DIS3L2: variants seen among roughly 807,000 people sequenced by gnomAD.
The protein encoded by DIS3L2 is DIS3-like exonuclease 2.
DIS3L2 carries 34 observed loss-of-function variants against 97.5 expected under a neutral mutation model. The observed-to-expected ratio is 0.35, with a 90% CI of 0.27 to 0.46. DIS3L2 has a LOEUF of 0.46. Among genes scored for constraint, DIS3L2 ranks in the 20% least tolerant of loss-of-function variants. The probability of loss-of-function intolerance (pLI) is 1.00; values close to 1 mark genes in which losing one functional copy is unlikely to be tolerated. For synonymous variants in DIS3L2, 435 were observed against 445.2 expected (o/e 0.98, Z 0.29); for missense variants, 1,038 against 1,146.0 (o/e 0.91, Z 1.36).
chr2:232,015,045 G>A, intron 2 of DIS3L2, 66 bp downstream of exon 2: 2 of 1,545,510 alleles, frequency 1.3e-6, no homozygotes, highest in South Asian at 2.3e-5. Context: ...GAATGGGTGT[G>A]AAGTGGAGGC....
At chr2:232,332,873 G>T (rs1695781970) in intron 16 of DIS3L2, among the ~76,000 whole-genome samples, 1 of 152,146 alleles carries the variant, frequency 6.6e-6, no homozygotes, top group Admixed American at 6.5e-5. Flanking sequence ...CCCGACCAAA[G>T]GTGGGCCTAG....
intron 6 of DIS3L2, among the ~76,000 whole-genome samples, chr2:232,100,192 ATT>A (rs10594218): frequency 0.6 from 67,204 of 112,778 alleles, 18,353 homozygotes; most frequent in African/African-American, 0.67. Context: ...CCCTGCTAAT[ATT>A]TTTTTTTTTT....
intron 5 of DIS3L2, among the ~76,000 whole-genome samples, chr2:232,080,442 A>G (rs927450929): frequency 1.3e-5 from 2 of 152,226 alleles, no homozygotes; most frequent in Middle Eastern, 3.2e-3. Context: ...CTAAGAAGTG[A>G]GTATGGATGG....
At chr2:232,016,704 G>A (rs1283048261) in intron 3 of DIS3L2, among the ~76,000 whole-genome samples, 4 of 152,092 alleles carry the variant, frequency 2.6e-5, no homozygotes, top group Non-Finnish European at 5.9e-5. Context: ...GAGGGAGGCA[G>A]GGCCACATAT....
chr2:232,340,389 A>G (rs1217679709), downstream of DIS3L2, among the ~76,000 whole-genome samples: 1 of 152,094 alleles, frequency 6.6e-6, no homozygotes, highest in Non-Finnish European at 1.5e-5. Flanking sequence ...GGCTGGAATC[A>G]TTGTTGCAAA....
intron 5 of DIS3L2, among the ~76,000 whole-genome samples, chr2:232,069,090 T>G (rs1211246537): frequency 1.3e-5 from 2 of 152,174 alleles, no homozygotes; most frequent in Admixed American, 6.5e-5. Flanking sequence ...GTGCTGGGAT[T>G]ACATGCGTGA....
At chr2:232,086,603 GTGTGTGTGTGTATATATATATA>G (rs1253155249) in intron 5 of DIS3L2, among the ~76,000 whole-genome samples, 1 of 56,768 alleles carries the variant, frequency 1.8e-5, no homozygotes, top group Admixed American at 1.8e-4. Context: ...ATATATATAT[GTGTGTGTGTGTATATATATATA>G]TATACACATA....
intron 5 of DIS3L2, among the ~76,000 whole-genome samples, chr2:232,050,482 T>C (rs1370840940): frequency 1.3e-5 from 2 of 151,906 alleles, no homozygotes; most frequent in East Asian, 3.9e-4. Context: ...TTTCATCATG[T>C]TGGCCAGGCT....
At chr2:232,007,312 G>A (rs2106211240) in intron 1 of DIS3L2, among the ~76,000 whole-genome samples, 1 of 152,308 alleles carries the variant, frequency 6.6e-6, no homozygotes, top group East Asian at 1.9e-4. Context: ...GGAGAAGAGT[G>A]AGTCCATATA....
intron 5 of DIS3L2, among the ~76,000 whole-genome samples, chr2:232,049,592 G>T (rs919595426): frequency 6.6e-6 from 1 of 152,094 alleles, no homozygotes; most frequent in East Asian, 1.9e-4. Flanking sequence ...TTGGACTTCC[G>T]AGCCTCCAGA....
chr2:232,069,953 A>G (rs556194522), intron 5 of DIS3L2, among the ~76,000 whole-genome samples: 12 of 152,360 alleles, frequency 7.9e-5, no homozygotes, highest in Middle Eastern at 3.4e-3. Flanking sequence ...AGCCAGTTCA[A>G]GTTGGTTTTT....
intron 9 of DIS3L2, among the ~76,000 whole-genome samples, chr2:232,173,226 G>A (rs1325906330): frequency 6.6e-6 from 1 of 152,070 alleles, no homozygotes; most frequent in Non-Finnish European, 1.5e-5. Context: ...CAAAGAGTTA[G>A]ACATATGTTT....
rs769440116 is a variant in DIS3L2 at position 232,136,474 on chromosome 2, G to A, written c.705G>A (p.Val235=). The A allele has an allele frequency of 1.2e-6, 2 of 1,613,834 alleles. No homozygotes were observed. The highest frequency in any genetic ancestry group is 1.7e-6 in the Non-Finnish European group (2 of 1,179,860). Residue 235 remains valine (V), a splice_region_variant and synonymous_variant, in exon 8 of 21, where the codon GTG becomes GTA. Transcript: ENST00000325385. ...SEKSLQRSAK[V]VYILEKKHSR... ...GACTATATCTTTGGTGTTTTTAGGT[G>A]GTTTACATCTTGGAGAAAAAACATT...
intron 6 of DIS3L2, among the ~76,000 whole-genome samples, chr2:232,089,821 A>G (rs896648569): frequency 3.3e-4 from 51 of 152,274 alleles, no homozygotes; most frequent in Non-Finnish European, 5.7e-4. Flanking sequence ...GTGACAGCAG[A>G]ATGGATGTCT....
intron 4 of DIS3L2, among the ~76,000 whole-genome samples, chr2:232,026,855 T>C (rs1372486452): frequency 3.3e-5 from 5 of 152,210 alleles, no homozygotes; most frequent in Admixed American, 3.3e-4. Context: ...TCTTACTACG[T>C]CATACTTAGA....
At chr2:232,062,145 T>A (rs2106276725) in intron 5 of DIS3L2, among the ~76,000 whole-genome samples, 1 of 152,312 alleles carries the variant, frequency 6.6e-6, no homozygotes, top group South Asian at 2.1e-4. Flanking sequence ...CGGCCTTGGC[T>A]TCAGAGGTGG....
chr2:232,143,457 TTCTC>T (rs1255230674), intron 8 of DIS3L2, among the ~76,000 whole-genome samples: 1 of 152,126 alleles, frequency 6.6e-6, no homozygotes, highest in African/African-American at 2.4e-5. Context: ...GAGGAAAACT[TTCTC>T]TCTTACAACT....
intron 13 of DIS3L2, among the ~76,000 whole-genome samples, chr2:232,342,676 CG>C: frequency 6.6e-6 from 1 of 152,322 alleles, no homozygotes; most frequent in African/African-American, 2.4e-5. Flanking sequence ...GGTTCCCACT[CG>C]TTTAGAAGGC....
intron 5 of DIS3L2, 99 bp from the exon 6 acceptor site, chr2:232,087,388 A>G: frequency 1.2e-6 from 1 of 839,500 alleles, no homozygotes; most frequent in Non-Finnish European, 1.8e-6. Flanking sequence ...CAATACCGTT[A>G]GCTTCTGAAT....
Sources: gnomAD v4.1 joint callset for allele counts (sites outside exome capture counted in the v4.1 genomes callset) on GRCh38, gnomAD v4.1.1 for gene constraint, MANE v1.5 for transcripts, NCBI Gene and HGNC (gene_info 2026-07-23, HGNC 2026-07-21) for gene names.